The following DNAI7 variants were observed in gnomAD, a reference collection of about 807,000 sequenced individuals.
DNAI7 encodes the protein dynein axonemal intermediate chain 7, also known as cancer susceptibility 1.
DNAI7 carries 78 observed loss-of-function variants against 86.6 expected under a neutral mutation model. The observed-to-expected ratio is 0.90, with a 90% CI of 0.75 to 1.09. The LOEUF (loss-of-function observed/expected upper bound fraction) is 1.09. DNAI7 is among the 50% of genes least tolerant of loss of function. DNAI7 has a pLI of 0.00. For synonymous variants in DNAI7, 274 were observed against 273.0 expected, an observed-to-expected ratio of 1.00 and a Z score of -0.04; for missense variants, 753 against 810.2, an observed-to-expected ratio of 0.93 and a Z score of 0.86.
In DNAI7 at chr12:25,111,772, C is replaced by T. The variant is rs768723522; in HGVS notation, c.1779G>A (p.Lys593=). ...HSHFYVIINN[K]VPLVEVKAYR... is the part of the protein sequence containing the mutation. Reference sequence around the variant, plus strand: ...TAAATTTGGAAAGATTCATTCTTGCCTTATTGTTTATAATAACATAAAAAT... The same window carrying T: ...TAAATTTGGAAAGATTCATTCTTGCTTTATTGTTTATAATAACATAAAAAT... Residue 593 remains lysine (K), a splice_region_variant and synonymous_variant, in exon 14 of 16, where the codon AAG becomes AAA. Coordinates refer to ENST00000395987, the MANE Select transcript of DNAI7 (RefSeq NM_018272.5). 4.5e-6 allele frequency: 7 copies of T among 1,562,308 alleles called. No individual in the cohort carries two copies. The highest frequency in any genetic ancestry group is 6.0e-6 in the Non-Finnish European group (7 of 1,158,070).
intron 2 of DNAI7, among the ~76,000 whole-genome samples, chr12:25,176,904 T>TC (rs1349711193): frequency 2.1e-5 from 3 of 145,878 alleles, no homozygotes; most frequent in African/African-American, 7.6e-5. Context: ...CCATTTTCTT[T>TC]TTTTTTTTTT....
At chr12:25,181,211 C>A (rs981968748) in intron 2 of DNAI7, among the ~76,000 whole-genome samples, 2 of 152,070 alleles carry the variant, frequency 1.3e-5, no homozygotes, top group Non-Finnish European at 2.9e-5. Context: ...CCTGGGCTCA[C>A]GCAATTCTCC....
chr12:25,146,783 A>G (rs952611211), intron 8 of DNAI7, among the ~76,000 whole-genome samples: 4 of 152,214 alleles, frequency 2.6e-5, no homozygotes, highest in Non-Finnish European at 4.4e-5. Flanking sequence ...CTATTAAGTG[A>G]CACAATCATC....
chr12:25,129,008 T>C (rs752618671), intron 9 of DNAI7, among the ~76,000 whole-genome samples: 11 of 152,220 alleles, frequency 7.2e-5, no homozygotes, highest in Non-Finnish European at 1.3e-4. Context: ...TGCCTCCCTT[T>C]CCAACTTTAT....
At chr12:25,158,394 GAGA>G in intron 4 of DNAI7, 75 bp downstream of exon 4, 1 of 1,150,978 alleles carries the variant, frequency 8.7e-7, no homozygotes, top group Non-Finnish European at 1.3e-6. Flanking sequence ...GCTATGGGCT[GAGA>G]AGGACATTAA....
intron 2 of DNAI7, among the ~76,000 whole-genome samples, chr12:25,182,113 C>T (rs1237029592): frequency 2.0e-5 from 3 of 150,658 alleles, no homozygotes; most frequent in Non-Finnish European, 4.4e-5. Context: ...TTTGGGAGGC[C>T]GAGGCGGGCA....
At chr12:25,163,951 C>G (rs1310933288) in intron 2 of DNAI7, among the ~76,000 whole-genome samples, 2 of 152,222 alleles carry the variant, frequency 1.3e-5, no homozygotes, top group Non-Finnish European at 2.9e-5. Context: ...GTGCTGGTCA[C>G]TGACTTGGGA....
intron 2 of DNAI7, among the ~76,000 whole-genome samples, chr12:25,173,953 A>T (rs112435028): frequency 5.6e-5 from 8 of 143,314 alleles, no homozygotes; most frequent in East Asian, 3.9e-4. Context: ...TATGGAATAC[A>T]TATATCATAT....
chr12:25,162,449 C>T (rs539268370), intron 2 of DNAI7, among the ~76,000 whole-genome samples: 7 of 152,266 alleles, frequency 4.6e-5, no homozygotes, highest in Non-Finnish European at 7.4e-5. Flanking sequence ...TAAGCAGATA[C>T]GAAAGCAATT....
At chr12:25,111,316 C>G (rs1443553616) in intron 14 of DNAI7, among the ~76,000 whole-genome samples, 1 of 152,166 alleles carries the variant, frequency 6.6e-6, no homozygotes, top group Non-Finnish European at 1.5e-5. Context: ...TGAACTAAAG[C>G]CTTATGACGA....
At chr12:25,168,029 C>G (rs1947692430) in intron 2 of DNAI7, among the ~76,000 whole-genome samples, 1 of 152,128 alleles carries the variant, frequency 6.6e-6, no homozygotes. Flanking sequence ...CGTAGACACT[C>G]GACGTTTTCT....
intron 9 of DNAI7, among the ~76,000 whole-genome samples, chr12:25,139,915 G>A (rs753612226): frequency 1.6e-4 from 24 of 152,118 alleles, no homozygotes; most frequent in Admixed American, 1.1e-3. Flanking sequence ...ATGGATGCAG[G>A]AATGGTTTAA....
intron 13 of DNAI7, among the ~76,000 whole-genome samples, chr12:25,114,349 G>T (rs1400023994): frequency 2.0e-5 from 3 of 152,134 alleles, no homozygotes; most frequent in Non-Finnish European, 4.4e-5. Flanking sequence ...CCCCTTTAGG[G>T]TGGATCAAAA....
intron 2 of DNAI7, among the ~76,000 whole-genome samples, chr12:25,171,532 T>C (rs757322004): frequency 2.0e-5 from 3 of 152,166 alleles, no homozygotes; most frequent in Non-Finnish European, 4.4e-5. Flanking sequence ...AGCAGAATTC[T>C]ACAAGACATT....
rs113158511 is a variant in DNAI7 at position 25,160,196 on chromosome 12, G to A, written c.106+917C>T. Among the ~76,000 whole-genome samples, 210 of 152,056 alleles carry A rather than the reference G, an allele frequency of 1.4e-3. 1 individual carries two copies. Among genetic ancestry groups the A allele is most frequent in the African/African-American group, 4.9e-3 (204 of 41,466 alleles). On this transcript the variant is annotated intron_variant, in intron 3 of 15. Transcript: ENST00000395987. The stretch of plus-strand genomic sequence containing the variant: ...AATTCCAATGCTCCTAATTTCATCA[G>A]TAAATATAAACACTTCAAGATAGGG...
chr12:25,108,334 C>G lies in DNAI7; in HGVS notation c.*214G>C, dbSNP rs859147. ...TGAAATAAAGAATCATTTAAATCTTCATAGAGTGAAAGCTGAAATTCTTAA... is the reference window on the plus strand; with the variant it reads ...TGAAATAAAGAATCATTTAAATCTTGATAGAGTGAAAGCTGAAATTCTTAA... On this transcript the variant is annotated 3_prime_UTR_variant, in exon 16 of 16. Transcript: ENST00000395987. 0.02 allele frequency: 10,725 copies of G among 540,518 alleles called. 779 individuals carry two copies. Among genetic ancestry groups the G allele is most frequent in the African/African-American group, 0.16 (8,498 of 52,304 alleles). 33.5% of individuals were successfully genotyped at this position (540,518 alleles called of 1,614,324 possible).
At chr12:25,166,596 A>G (rs187962228) in intron 2 of DNAI7, among the ~76,000 whole-genome samples, 6 of 152,218 alleles carry the variant, frequency 3.9e-5, no homozygotes, top group African/African-American at 1.4e-4. Context: ...TCTCATAAAG[A>G]CACGTGCTCT....
intron 10 of DNAI7, 99 bp from the exon 11 acceptor site, chr12:25,122,012 A>G: frequency 2.5e-6 from 2 of 811,596 alleles, no homozygotes; most frequent in South Asian, 2.1e-5. Context: ...GGAAGTTTCT[A>G]TTCAACCAGC....
chr12:25,118,095 C>G (rs746032691), intron 12 of DNAI7, among the ~76,000 whole-genome samples: 7 of 151,630 alleles, frequency 4.6e-5, no homozygotes, highest in Non-Finnish European at 1.0e-4. Flanking sequence ...CACCATGCCC[C>G]ATTAGTTTTT....
Sources: allele counts gnomAD v4.1 joint callset (sites outside exome capture counted in the v4.1 genomes callset), GRCh38; gene constraint gnomAD v4.1.1; transcripts MANE v1.5; gene names NCBI Gene and HGNC (gene_info 2026-07-23, HGNC 2026-07-21).